SNX29: variants seen among roughly 807,000 people sequenced by gnomAD.
SNX29 encodes sorting nexin-29.
SNX29 carries 78 observed loss-of-function variants against 102.1 expected under a neutral mutation model. That is an observed-to-expected ratio of 0.76 (90% confidence interval 0.64 to 0.92). SNX29 has a LOEUF of 0.92. Ranked by LOEUF, SNX29 falls within the 40% of genes least tolerant of loss-of-function variation. The pLI is 0.00. For missense variants in SNX29, 1,280 were observed against 1,061.7 expected (o/e 1.21, Z -2.86); for synonymous variants, 580 against 414.5 (o/e 1.40, Z -4.85).
intron 14 of SNX29, among the ~76,000 whole-genome samples, chr16:12,271,292 G>A (rs2079085681): frequency 6.6e-6 from 1 of 152,242 alleles, no homozygotes; most frequent in African/African-American, 2.4e-5. Flanking sequence ...CTCCACTGGA[G>A]GAGTGTGCAC....
intron 18 of SNX29, among the ~76,000 whole-genome samples, chr16:12,416,244 C>T (rs1397526289): frequency 6.6e-6 from 1 of 152,116 alleles, no homozygotes; most frequent in Non-Finnish European, 1.5e-5. Context: ...CTCAAATGCA[C>T]TTAGCACAGA....
chr16:12,534,570 A>G (rs2077019350), intron 20 of SNX29, among the ~76,000 whole-genome samples: 1 of 152,232 alleles, frequency 6.6e-6, no homozygotes, highest in East Asian at 1.9e-4. Flanking sequence ...ACAGGTTATT[A>G]GGGTTGAAAA....
At chr16:12,058,700 GC>G (rs1255193330) in intron 8 of SNX29, among the ~76,000 whole-genome samples, 2 of 151,046 alleles carry the variant, frequency 1.3e-5, no homozygotes, top group Non-Finnish European at 2.9e-5. Flanking sequence ...CACCATGTTG[GC>G]CAGGCTGGTC....
chr16:12,037,481 A>G (rs535665669), intron 4 of SNX29, among the ~76,000 whole-genome samples: 77 of 152,248 alleles, frequency 5.1e-4, no homozygotes, highest in Middle Eastern at 3.4e-3. Context: ...AATCAAGATA[A>G]ATACTATTTT....
intron 7 of SNX29, among the ~76,000 whole-genome samples, chr16:12,048,874 A>T (rs2050194557): frequency 6.6e-6 from 1 of 152,174 alleles, no homozygotes; most frequent in Admixed American, 6.5e-5. Context: ...TGTGAGAGAC[A>T]CCGGGAGCCA....
chr16:12,441,174 G>T (rs7199006), intron 18 of SNX29, among the ~76,000 whole-genome samples: 1 of 146,616 alleles, frequency 6.8e-6, no homozygotes, highest in Admixed American at 7.0e-5. Context: ...TGCAAGCTCC[G>T]CCTCCTGGGT....
In SNX29 at chr16:12,460,855, C is replaced by T. The variant is rs781025563; in HGVS notation, c.2038-16864C>T. Among the ~76,000 whole-genome samples the T allele has an allele frequency of 6.6e-5, 10 of 152,034 alleles. No homozygotes were observed. In the South Asian group the frequency reaches 8.3e-4, roughly 13 times the overall value. On this transcript the variant is annotated intron_variant, in intron 18 of 20. Transcript: ENST00000566228. The stretch of plus-strand genomic sequence containing the variant: ...TTTGTACTTTTAGTAGAGAGAATTT[C>T]GCCATGTTGGCCAGGCTGGTCTCGA...
chr16:12,107,436 G>T (rs2053307589), intron 11 of SNX29, among the ~76,000 whole-genome samples: 1 of 151,772 alleles, frequency 6.6e-6, no homozygotes, highest in South Asian at 2.1e-4. Flanking sequence ...GGAGGTTGAG[G>T]CAGGAGGATC....
Position 12,530,035 on chromosome 16 carries a change from T to C in SNX29, c.2318+5194T>C, listed in dbSNP as rs371236752. 5.6e-4 allele frequency among the ~76,000 whole-genome samples: 86 copies of C among 152,250 alleles called. 1 individual carries two copies. The South Asian group carries it at 0.016, about 27-fold the overall frequency. On this transcript the variant is annotated intron_variant, in intron 20 of 20. Coordinates refer to ENST00000566228, the MANE Select transcript of SNX29 (RefSeq NM_032167.5). ...AGTAAAGTGTCCATGCATGTGACTT[T>C]CCATGGGCAAGTGTGTCCCAGTTCG...
chr16:12,034,049 C>T (rs2057411112), intron 4 of SNX29, among the ~76,000 whole-genome samples: 1 of 152,198 alleles, frequency 6.6e-6, no homozygotes, highest in Non-Finnish European at 1.5e-5. Context: ...CTGTACGCAT[C>T]TTCAGTCAGT....
At chr16:12,481,537 CA>C (rs2087927825) in intron 19 of SNX29, among the ~76,000 whole-genome samples, 11 of 151,042 alleles carry the variant, frequency 7.3e-5, no homozygotes, top group East Asian at 5.8e-4. Flanking sequence ...CACACACACA[CA>C]CACACACACA....
At chr16:12,371,487 T>C (rs1453000932) in intron 16 of SNX29, among the ~76,000 whole-genome samples, 2 of 152,176 alleles carry the variant, frequency 1.3e-5, no homozygotes, top group Non-Finnish European at 2.9e-5. Flanking sequence ...TAAAATTTTT[T>C]TGTAGAGACA....
At position 12,382,158 on chromosome 16, in the gene SNX29, A is replaced by C. The variant is rs542068883; in HGVS notation, c.1900-16288A>C. Among the ~76,000 whole-genome samples, 88 of 152,186 alleles carry C rather than the reference A, an allele frequency of 5.8e-4. 1 individual carries two copies. The South Asian group carries it at 0.017, about 29-fold the overall frequency. ...CCTACCTCTCATTCATTCAGGAGGT[A>C]TTTGCCGAGCGCCATGAGGACCTGC... On this transcript the variant is annotated intron_variant, in intron 16 of 20. Coordinates refer to ENST00000566228, the MANE Select transcript of SNX29 (RefSeq NM_032167.5).
At chr16:12,356,449 G>C (rs574769804) in intron 16 of SNX29, among the ~76,000 whole-genome samples, 170 bp downstream of exon 16, 1 of 152,190 alleles carries the variant, frequency 6.6e-6, no homozygotes, top group South Asian at 2.1e-4. Context: ...GGTAGAATAA[G>C]TAAAATGTTA....
rs776174011 is a variant in SNX29 at position 12,356,184 on chromosome 16, C to A, written c.1804C>A (p.Leu602Met). The A allele has an allele frequency of 6.2e-7, 1 of 1,613,076 alleles. No individual in the cohort carries two copies. The highest frequency in any genetic ancestry group is 8.5e-7 in the Non-Finnish European group (1 of 1,179,662). The change falls in exon 16 of 21, where the codon CTG becomes ATG. Residue 602 changes from leucine to methionine, a missense_variant. By Grantham distance (15) the Leu-to-Met change is conservative. Transcript: ENST00000566228. Reference sequence around the variant, plus strand: ...CCAGGTGGCAGAGATGCATGGCGAGCTGATTGAGTTCAACGAGCGCCTGCA... The same window carrying A: ...CCAGGTGGCAGAGATGCATGGCGAGATGATTGAGTTCAACGAGCGCCTGCA... ...LIEVAEMHGE[L>M]IEFNERLHRA...
chr16:12,464,135 C>T (rs1211448662), intron 18 of SNX29, among the ~76,000 whole-genome samples: 1 of 151,688 alleles, frequency 6.6e-6, no homozygotes, highest in Non-Finnish European at 1.5e-5. Flanking sequence ...CTGTGTCTGG[C>T]TTATTTGGTG....
chr16:12,168,742 A>G (rs189637305), intron 13 of SNX29, among the ~76,000 whole-genome samples: 1 of 152,298 alleles, frequency 6.6e-6, no homozygotes, highest in Non-Finnish European at 1.5e-5. Context: ...ACAATAACGT[A>G]TTGAGTTATT....
At chr16:12,481,984 T>G (rs1393092030) in intron 19 of SNX29, among the ~76,000 whole-genome samples, 2 of 152,204 alleles carry the variant, frequency 1.3e-5, no homozygotes, top group African/African-American at 2.4e-5. Context: ...TGAGTCAAGA[T>G]TCAGAACCTT....
At chr16:12,138,573 A>G (rs1332474380) in intron 13 of SNX29, among the ~76,000 whole-genome samples, 2 of 150,834 alleles carry the variant, frequency 1.3e-5, no homozygotes, top group Non-Finnish European at 3.0e-5. Context: ...CTTTGGAGGA[A>G]TATCTTAAAT....
Sources: gnomAD v4.1 joint callset for allele counts (sites outside exome capture counted in the v4.1 genomes callset) on GRCh38, gnomAD v4.1.1 for gene constraint, MANE v1.5 for transcripts, NCBI Gene and HGNC (gene_info 2026-07-23, HGNC 2026-07-21) for gene names.